The following CSMD1 variants were observed in gnomAD, a reference collection of about 807,000 sequenced individuals.
The protein encoded by CSMD1 is CUB and sushi domain-containing protein 1.
CSMD1 carries 213 observed loss-of-function variants against 417.5 expected under a neutral mutation model. The ratio of observed to expected loss-of-function variants is 0.51; its 90% CI spans 0.46 to 0.57. The LOEUF is 0.57. Among genes scored for constraint, CSMD1 ranks in the 20% least tolerant of loss-of-function variants. The probability of loss-of-function intolerance (pLI) is 0.00; values close to 1 mark genes in which losing one functional copy is unlikely to be tolerated. For missense variants in CSMD1, 6,923 were observed against 4,529.7 expected (o/e 1.53, Z -15.17); for synonymous variants, 2,862 against 1,736.8 (o/e 1.65, Z -16.11).
intron 3 of CSMD1, among the ~76,000 whole-genome samples, chr8:4,048,524 C>T (rs1798264345): frequency 6.6e-6 from 1 of 152,152 alleles, no homozygotes; most frequent in Non-Finnish European, 1.5e-5. Flanking sequence ...AGGAACATCC[C>T]TCAGGTTTAT....
At chr8:4,973,052 T>C (rs1366524934) in intron 1 of CSMD1, among the ~76,000 whole-genome samples, 1 of 152,142 alleles carries the variant, frequency 6.6e-6, no homozygotes. Flanking sequence ...GAAGGTAAAA[T>C]AATGCATAGA....
At chr8:3,783,793 G>A (rs1217034205) in intron 5 of CSMD1, among the ~76,000 whole-genome samples, 1 of 152,202 alleles carries the variant, frequency 6.6e-6, no homozygotes, top group Non-Finnish European at 1.5e-5. Context: ...AGGAGACACT[G>A]AGGCTTCCAT....
At chr8:4,702,637 A>AGGT in intron 1 of CSMD1, among the ~76,000 whole-genome samples, 1 of 152,170 alleles carries the variant, frequency 6.6e-6, no homozygotes, top group Admixed American at 6.5e-5. Flanking sequence ...CACACTGAGA[A>AGGT]TCACAAATAA....
chr8:3,753,943 G>A lies in CSMD1; in HGVS notation c.918C>T (p.Asn306=), dbSNP rs371487624. 357 of 1,609,060 alleles carry A rather than the reference G, an allele frequency of 2.2e-4. 2 individuals carry two copies. Among genetic ancestry groups the A allele is most frequent in the East Asian group, 2.1e-3 (93 of 44,784 alleles). Reference sequence around the variant, plus strand: ...GAGCATCCTTACCTTGGAACTGAGCGTTAAATCCTTTGCGTCGGTGGTTGC... The same window carrying A: ...GAGCATCCTTACCTTGGAACTGAGCATTAAATCCTTTGCGTCGGTGGTTGC... The part of the protein sequence containing the change: ...SDSNHRRKGF[N]AQFQVKKAIE... Residue 306 remains asparagine, a synonymous_variant, in exon 6 of 70, where the codon AAC becomes AAT. Transcript: ENST00000635120.
intron 6 of CSMD1, among the ~76,000 whole-genome samples, chr8:3,737,698 C>G (rs189991936): frequency 1.3e-5 from 2 of 152,266 alleles, no homozygotes; most frequent in East Asian, 3.9e-4. Flanking sequence ...CTTGTCTTCA[C>G]GTTTCTGACT....
intron 3 of CSMD1, among the ~76,000 whole-genome samples, chr8:4,365,655 T>C (rs926205825): frequency 2.6e-5 from 4 of 152,310 alleles, no homozygotes; most frequent in African/African-American, 9.6e-5. Context: ...AACAGTTGCT[T>C]CCTGTGGTTA....
At chr8:3,565,761 T>C (rs1279875096) in intron 10 of CSMD1, among the ~76,000 whole-genome samples, 1 of 152,210 alleles carries the variant, frequency 6.6e-6, no homozygotes, top group Non-Finnish European at 1.5e-5. Context: ...ACGTGTAGTG[T>C]AAAAACACAA....
chr8:3,806,178 G>A (rs1466270403), intron 5 of CSMD1, among the ~76,000 whole-genome samples: 1 of 152,116 alleles, frequency 6.6e-6, no homozygotes, highest in Non-Finnish European at 1.5e-5. Flanking sequence ...AAGATACCTT[G>A]GGTCGTCCAT....
At chr8:4,212,510 G>A (rs1006560637) in intron 3 of CSMD1, among the ~76,000 whole-genome samples, 9 of 151,956 alleles carry the variant, frequency 5.9e-5, no homozygotes, top group African/African-American at 2.2e-4. Flanking sequence ...AGCTTATTTA[G>A]ATTAGACATT....
chr8:3,536,216 G>C (rs994305864), intron 10 of CSMD1, among the ~76,000 whole-genome samples: 2 of 152,212 alleles, frequency 1.3e-5, no homozygotes, highest in African/African-American at 4.8e-5. Context: ...TGCTTTTCAA[G>C]ACTCGAAGCA....
chr8:4,104,048 A>G (rs1801439829), intron 3 of CSMD1, among the ~76,000 whole-genome samples: 1 of 152,196 alleles, frequency 6.6e-6, no homozygotes, highest in Non-Finnish European at 1.5e-5. Context: ...CCTTCTGGGC[A>G]TTACTCAAGT....
At chr8:4,313,011 A>ATTTAGT (rs1798717226) in intron 3 of CSMD1, among the ~76,000 whole-genome samples, 2 of 152,152 alleles carry the variant, frequency 1.3e-5, no homozygotes, top group African/African-American at 4.8e-5. Context: ...GGGAGGTAGA[A>ATTTAGT]TTTAGAGAAT....
At chr8:4,982,185 G>C (rs188945940) in intron 1 of CSMD1, among the ~76,000 whole-genome samples, 162 of 152,274 alleles carry the variant, frequency 1.1e-3, no homozygotes, top group Non-Finnish European at 2.0e-3. Context: ...GCCATGCACA[G>C]ACCCCTGACC....
chr8:4,140,797 T>C (rs983330866), intron 3 of CSMD1, among the ~76,000 whole-genome samples: 3 of 151,034 alleles, frequency 2.0e-5, no homozygotes, highest in Non-Finnish European at 2.9e-5. Context: ...GGTTTTGATT[T>C]TCTAAGCGTG....
chr8:3,348,433 G>C (rs761091579), intron 21 of CSMD1, among the ~76,000 whole-genome samples: 45 of 152,136 alleles, frequency 3.0e-4, no homozygotes, highest in Non-Finnish European at 5.0e-4. Context: ...GAGAGTTCTA[G>C]AATAAAACAG....
At chr8:4,242,874 G>A (rs1802485158) in intron 3 of CSMD1, among the ~76,000 whole-genome samples, 1 of 152,158 alleles carries the variant, frequency 6.6e-6, no homozygotes, top group Admixed American at 6.5e-5. Flanking sequence ...GCATCAGGAT[G>A]AAATATTAAA....
chr8:4,031,588 G>C (rs1465991159), intron 4 of CSMD1, among the ~76,000 whole-genome samples: 2 of 152,224 alleles, frequency 1.3e-5, no homozygotes, highest in South Asian at 2.1e-4. Flanking sequence ...AATCATATCA[G>C]AAGTCATAAA....
intron 3 of CSMD1, among the ~76,000 whole-genome samples, chr8:4,193,081 G>C (rs1175716220): frequency 6.6e-6 from 1 of 152,032 alleles, no homozygotes; most frequent in Non-Finnish European, 1.5e-5. Flanking sequence ...TACATCTTTT[G>C]AGCAGTGACA....
chr8:4,860,428 G>A (rs1441077404), intron 1 of CSMD1, among the ~76,000 whole-genome samples: 1 of 151,300 alleles, frequency 6.6e-6, no homozygotes, highest in African/African-American at 2.4e-5. Flanking sequence ...AAAAAAGTGT[G>A]TGCCACTCCA....
Sources: allele counts gnomAD v4.1 joint callset (sites outside exome capture counted in the v4.1 genomes callset), GRCh38; gene constraint gnomAD v4.1.1; transcripts MANE v1.5; gene names NCBI Gene and HGNC (gene_info 2026-07-23, HGNC 2026-07-21).